Variants in CNOT4 observed in about 807,000 individuals in gnomAD.
CNOT4 encodes CCR4-NOT transcription complex subunit 4, also known as CCR4-associated factor 4.
In CNOT4, 8 loss-of-function variants were observed where a neutral mutation model predicts 73.8. That is an observed-to-expected ratio of 0.11 (90% confidence interval 0.06 to 0.20). The LOEUF (loss-of-function observed/expected upper bound fraction) is 0.20, where lower values mean the gene tolerates loss of function less well. Among genes scored for constraint, CNOT4 ranks in the 10% least tolerant of loss-of-function variants. The pLI, the probability that CNOT4 is intolerant of heterozygous loss-of-function variation, is 1.00. For missense variants in CNOT4, 564 were observed against 883.4 expected, an observed-to-expected ratio of 0.64 and a Z score of 4.58; for synonymous variants, 293 against 321.1, an observed-to-expected ratio of 0.91 and a Z score of 0.94.
chr7:135,450,362 A>G (rs1274591930), intron 1 of CNOT4, among the ~76,000 whole-genome samples: 1 of 152,130 alleles, frequency 6.6e-6, no homozygotes, highest in Non-Finnish European at 1.5e-5. Context: ...TCTGTCACCC[A>G]GGCTGGAGTG....
intron 1 of CNOT4, among the ~76,000 whole-genome samples, chr7:135,508,913 T>A (rs1585754200): frequency 6.6e-6 from 1 of 151,444 alleles, no homozygotes; most frequent in East Asian, 1.9e-4. Flanking sequence ...AGTAGCATGA[T>A]AAAACCGGTC....
chr7:135,361,865 GT>G lies in CNOT4; in HGVS notation c.*1019del, dbSNP rs563286911. ...TCTGAAGAAAGAGGTACATTTCCTT[GT>G]TTTTAGTTTTAGCGTCAGGTTATAA... is the stretch of plus-strand genomic sequence containing the variant. On this transcript the variant is annotated 3_prime_UTR_variant, in exon 12 of 12. Transcript: ENST00000541284. 1.4e-4 allele frequency: 21 copies of G among 152,718 alleles called. No homozygotes were observed. The highest frequency in any genetic ancestry group is 9.2e-4 in the Admixed American group (14 of 15,296). 9.5% of individuals were successfully genotyped at this position (152,718 alleles called of 1,614,324 possible). A position where few individuals can be genotyped will look rare whatever the true frequency, so the allele number is the denominator to read the frequency against.
At chr7:135,489,762 G>A (rs1464385522) in intron 1 of CNOT4, among the ~76,000 whole-genome samples, 2 of 152,066 alleles carry the variant, frequency 1.3e-5, no homozygotes, top group African/African-American at 4.8e-5. Context: ...GACAATAAAG[G>A]TCTAAGAAAC....
chr7:135,417,867 C>T (rs997725451), intron 3 of CNOT4, among the ~76,000 whole-genome samples: 1 of 152,182 alleles, frequency 6.6e-6, no homozygotes, highest in African/African-American at 2.4e-5. Context: ...AGTTGCTGTG[C>T]CAGAAGCACT....
At position 135,388,607 on chromosome 7, in the gene CNOT4, T is replaced by C. The variant is rs1585568570; in HGVS notation, c.1627+5311A>G. 3.3e-6 allele frequency: 4 copies of C among 1,203,394 alleles called. No homozygotes were observed. In the East Asian group the frequency reaches 1.0e-4, roughly 30 times the overall value. 74.5% of individuals were successfully genotyped at this position (1,203,394 alleles called of 1,614,324 possible). ...CCAAAATTATTACACTAATAAATTATGTTAAAGGCCTAATGAAGAAATACT... is the reference window on the plus strand; with the variant it reads ...CCAAAATTATTACACTAATAAATTACGTTAAAGGCCTAATGAAGAAATACT... On this transcript the variant is annotated intron_variant, in intron 10 of 11. Coordinates refer to ENST00000541284, the MANE Select transcript of CNOT4 (RefSeq NM_001190850.2).
chr7:135,469,107 G>A (rs1801410795), intron 1 of CNOT4, among the ~76,000 whole-genome samples: 1 of 152,052 alleles, frequency 6.6e-6, no homozygotes, highest in South Asian at 2.1e-4. Context: ...GATGATAAAC[G>A]GAAGAGCAGG....
At chr7:135,415,402 T>A in intron 3 of CNOT4, 140 bp from the exon 4 acceptor site, 1 of 549,154 alleles carries the variant, frequency 1.8e-6, no homozygotes. Context: ...CACTACCTCC[T>A]AATTGCAGTT....
chr7:135,489,401 T>C (rs1802955600), intron 1 of CNOT4, among the ~76,000 whole-genome samples: 1 of 143,426 alleles, frequency 7.0e-6, no homozygotes, highest in Non-Finnish European at 1.5e-5. Context: ...CTTTTTTTTT[T>C]TTTTTTTTTT....
intron 2 of CNOT4, among the ~76,000 whole-genome samples, 182 bp downstream of exon 2, chr7:135,437,976 G>A (rs904672669): frequency 5.3e-5 from 8 of 152,104 alleles, no homozygotes; most frequent in Admixed American, 6.5e-5. Context: ...ACAAAGCCAA[G>A]ACGTGGCCCT....
At chr7:135,438,921 C>T (rs767513761) in intron 1 of CNOT4, among the ~76,000 whole-genome samples, 2 of 152,058 alleles carry the variant, frequency 1.3e-5, no homozygotes, top group African/African-American at 2.4e-5. Context: ...CAGAAAAACT[C>T]GGATGCCATA....
At chr7:135,506,857 G>A (rs973693995) in intron 1 of CNOT4, among the ~76,000 whole-genome samples, 1 of 149,670 alleles carries the variant, frequency 6.7e-6, no homozygotes, top group African/African-American at 2.5e-5. Flanking sequence ...AAAAAAAAAA[G>A]AAAAGAAAAG....
intron 10 of CNOT4, chr7:135,386,530 C>T (rs1056393815): frequency 6.6e-6 from 1 of 151,842 alleles, no homozygotes; most frequent in African/African-American, 2.4e-5. Context: ...TTTCTTCTGT[C>T]CTTTAGTGTA....
intron 1 of CNOT4, among the ~76,000 whole-genome samples, chr7:135,453,705 A>G (rs973192844): frequency 6.8e-6 from 1 of 148,078 alleles, no homozygotes; most frequent in African/African-American, 2.5e-5. Flanking sequence ...AAGCTTATGT[A>G]TGAGTATTTT....
chr7:135,506,130 T>G (rs1206313915), intron 1 of CNOT4, among the ~76,000 whole-genome samples: 1 of 152,220 alleles, frequency 6.6e-6, no homozygotes, highest in Non-Finnish European at 1.5e-5. Flanking sequence ...GGAATGGATA[T>G]TTGCAGATTT....
chr7:135,388,783 C>T (rs375843658), intron 10 of CNOT4: 1 of 1,611,638 alleles, frequency 6.2e-7, no homozygotes, highest in East Asian at 2.2e-5. Flanking sequence ...CCTCTCCTCT[C>T]AGTTCTGTTG....
chr7:135,387,326 C>G, intron 10 of CNOT4: 1 of 985,304 alleles, frequency 1.0e-6, no homozygotes, highest in Non-Finnish European at 1.2e-6. Flanking sequence ...TTAACCAAAT[C>G]TAAGGATATC....
chr7:135,465,781 C>CT (rs1340538913), intron 1 of CNOT4, among the ~76,000 whole-genome samples: 4 of 151,852 alleles, frequency 2.6e-5, no homozygotes, highest in Non-Finnish European at 5.9e-5. Context: ...GGTGTGGTGG[C>CT]TCATGCCTGT....
chr7:135,491,365 GA>G (rs1335819243), intron 1 of CNOT4, among the ~76,000 whole-genome samples: 1 of 152,176 alleles, frequency 6.6e-6, no homozygotes, highest in East Asian at 1.9e-4. Flanking sequence ...AGGCAAAAAG[GA>G]AAATCTACTA....
rs1006831285 is a variant in CNOT4 at position 135,413,593 on chromosome 7, T to C, written c.582A>G (p.Lys194=). The change falls in exon 6 of 12, where the codon AAA becomes AAG. Residue 194 remains lysine (K), a synonymous_variant. Coordinates refer to ENST00000541284, the MANE Select transcript of CNOT4 (RefSeq NM_001190850.2). The stretch of plus-strand genomic sequence containing the variant: ...TATTCTTTAAGAAGTAACTGCAGTA[T>C]TTTGTTGTACCTAGAGATGCCTGCA... ...RTLKASLGTT[K]YCSYFLKNMQ... The C allele has an allele frequency of 3.1e-6, 5 of 1,611,122 alleles. No homozygotes were observed. Among genetic ancestry groups the C allele is most frequent in the Non-Finnish European group, 4.2e-6 (5 of 1,178,006 alleles).
Sources: allele counts gnomAD v4.1 joint callset (sites outside exome capture counted in the v4.1 genomes callset), GRCh38; gene constraint gnomAD v4.1.1; transcripts MANE v1.5; gene names NCBI Gene and HGNC (gene_info 2026-07-23, HGNC 2026-07-21).